Variants in LHX5 observed in about 807,000 individuals in gnomAD.
LHX5 encodes the protein LIM homeobox 5, also known as LIM/homeobox protein Lhx5.
LHX5 carries 5 observed loss-of-function variants against 30.6 expected under a neutral mutation model. The observed-to-expected ratio is 0.16, with a 90% confidence interval of 0.09 to 0.34. The LOEUF (loss-of-function observed/expected upper bound fraction) is 0.34, where lower values mean the gene tolerates loss of function less well. Among genes scored for constraint, LHX5 ranks in the 10% least tolerant of loss-of-function variants. The pLI, the probability that LHX5 is intolerant of heterozygous loss-of-function variation, is 1.00. For synonymous variants in LHX5, 266 were observed against 252.6 expected (o/e 1.05, Z -0.50); for missense variants, 458 against 570.6 (o/e 0.80, Z 2.01).
intron 1 of LHX5, 72 bp from the exon 2 acceptor site, chr12:113,469,417 C>T (rs934130758): frequency 8.5e-6 from 12 of 1,419,684 alleles, no homozygotes; most frequent in Non-Finnish European, 1.1e-5. Context: ...GACCTCTTCC[C>T]ACCCGACCTG....
chr12:113,463,479 G>C lies in LHX5; in HGVS notation c.920C>G (p.Pro307Arg). 6.4e-7 allele frequency: 1 copy of C among 1,567,062 alleles called. No individual in the cohort carries two copies. Among genetic ancestry groups the C allele is most frequent in the Admixed American group, 1.8e-5 (1 of 55,672 alleles). Residue 307 changes from proline (P) to arginine (R), a missense_variant, in exon 5 of 5, where the codon CCG becomes CGG. Transcript: ENST00000261731. The surrounding 1 kb of genome is among the most constrained non-coding windows in gnomAD (Gnocchi z 6.7). ...AHGPPSQAQS[P>R]ADSSFLAASG... ...GGCCGCCAGGAAGCTGGAGTCGGCC[G>C]GGGACTGCGCCTGCGAAGGCGGGCC...
At chr12:113,469,091 C>CTAAGGCT in intron 2 of LHX5, 31 bp downstream of exon 2, 1 of 1,554,528 alleles carries the variant, frequency 6.4e-7, no homozygotes, top group Non-Finnish European at 8.8e-7. Flanking sequence ...GTGCTAAGGC[C>CTAAGGCT]TAAGGCTAGT....
chr12:113,471,675 T>G lies in LHX5; in HGVS notation c.-177A>C. On this transcript the variant is annotated 5_prime_UTR_variant, in exon 1 of 5. Coordinates refer to ENST00000261731, the MANE Select transcript of LHX5 (RefSeq NM_022363.3). ...GGCAATCTCTGGCCTGGCGCTGGGC[T>G]GCCCGGAGTGGGGTGGTGGGGGGCG... 38 of 556,058 alleles carry G rather than the reference T, an allele frequency of 6.8e-5. No individual in the cohort carries two copies. Among genetic ancestry groups the G allele is most frequent in the Middle Eastern group, 5.1e-4 (1 of 1,978 alleles). 34.4% of individuals were successfully genotyped at this position (556,058 alleles called of 1,614,324 possible). A position where few individuals can be genotyped will look rare whatever the true frequency, so the allele number is the denominator to read the frequency against.
Position 113,462,085 on chromosome 12 carries a change from T to A in LHX5, c.*1105A>T, listed in dbSNP as rs1400562738. 1 of 151,334 alleles carries A rather than the reference T, an allele frequency of 6.6e-6. No individual in the cohort carries two copies. Among genetic ancestry groups the A allele is most frequent in the East Asian group, 1.9e-4 (1 of 5,194 alleles). The allele number at this position is 151,334 out of a possible 1,614,324, so 9.4% of individuals were successfully genotyped here. A position where few individuals can be genotyped will look rare whatever the true frequency, so the allele number is the denominator to read the frequency against. ...ATCTTTCTCTTTAAAAAAAGTTGATTTTTTTTGTTTTTGTTTTTTGTTTTT... is the reference window on the plus strand; with the variant it reads ...ATCTTTCTCTTTAAAAAAAGTTGATATTTTTTGTTTTTGTTTTTTGTTTTT... On this transcript the variant is annotated 3_prime_UTR_variant, in exon 5 of 5. Transcript: ENST00000261731.
Position 113,468,379 on chromosome 12 carries a change from C to T in LHX5, c.423G>A (p.Leu141=). 1 of 1,613,914 alleles carries T rather than the reference C, an allele frequency of 6.2e-7. No homozygotes were observed. Among genetic ancestry groups the T allele is most frequent in the Non-Finnish European group, 8.5e-7 (1 of 1,179,858 alleles). ...GCAGTGCGTCCTGGAGGTCCGGGGA[C>T]AAACTGCGGTCCGTACAGGATGACA... ...NSVSSCTDRS[L]SPDLQDALQD... The change falls in exon 3 of 5, where the codon TTG becomes TTA. Residue 141 remains leucine, a synonymous_variant. Coordinates refer to ENST00000261731, the MANE Select transcript of LHX5 (RefSeq NM_022363.3).
chr12:113,463,505 G>C lies in LHX5; in HGVS notation c.894C>G (p.His298Gln), dbSNP rs373410781. ...GGGACTGCGCCTGCGAAGGCGGGCC[G>C]TGCGCGAAGAAGTCGTAGTTGCTTC... Reference protein sequence around the residue: ...APGSNYDFFAHGPPSQAQSPA... With the variant: ...APGSNYDFFAQGPPSQAQSPA... Residue 298 changes from histidine (H) to glutamine (Q), a missense_variant, in exon 5 of 5, where the codon CAC becomes CAG. His to Gln is a conservative substitution (Grantham distance 24). This residue lies in a region of LHX5 where 255 missense variants were observed against 246.8 expected (regional missense o/e 1.03). Coordinates refer to ENST00000261731, the MANE Select transcript of LHX5 (RefSeq NM_022363.3). The surrounding 1 kb of genome is among the most constrained non-coding windows in gnomAD (Gnocchi z 6.7). 2 of 1,564,974 alleles carry C rather than the reference G, an allele frequency of 1.3e-6. No homozygotes were observed. The highest frequency in any genetic ancestry group is 1.7e-6 in the Non-Finnish European group (2 of 1,163,328).
rs1958253200 is a variant in LHX5 at position 113,471,686 on chromosome 12, G to A, written c.-188C>T. 3.6e-6 allele frequency: 2 copies of A among 559,802 alleles called. No homozygotes were observed. Among genetic ancestry groups the A allele is most frequent in the African/African-American group, 4.0e-5 (2 of 50,384 alleles). The allele number at this position is 559,802 out of a possible 1,614,324, so 34.7% of individuals were successfully genotyped here. A position where few individuals can be genotyped will look rare whatever the true frequency, so the allele number is the denominator to read the frequency against. Reference sequence around the variant, plus strand: ...GCCTGGCGCTGGGCTGCCCGGAGTGGGGTGGTGGGGGGCGGGTGGCGTTCA... The same window carrying A: ...GCCTGGCGCTGGGCTGCCCGGAGTGAGGTGGTGGGGGGCGGGTGGCGTTCA... On this transcript the variant is annotated 5_prime_UTR_variant, in exon 1 of 5. Transcript: ENST00000261731.
chr12:113,464,601 G>A lies in LHX5; in HGVS notation c.842-1044C>T, dbSNP rs1958201003. On this transcript the variant is annotated intron_variant, in intron 4 of 4. Coordinates refer to ENST00000261731, the MANE Select transcript of LHX5 (RefSeq NM_022363.3). This position sits in a 1 kb window ranked among gnomAD's most constrained non-coding sequence, Gnocchi z 6.2. Reference sequence around the variant, plus strand: ...ACTTGGGAGAGGGGGAGGAGGACACGAAGATTCTCTGGGTCATGGCCAGAG... The same window carrying A: ...ACTTGGGAGAGGGGGAGGAGGACACAAAGATTCTCTGGGTCATGGCCAGAG... 6.6e-6 allele frequency among the ~76,000 whole-genome samples: 1 copy of A among 152,152 alleles called. No homozygotes were observed. The highest frequency in any genetic ancestry group is 1.5e-5 in the Non-Finnish European group (1 of 68,032).
chr12:113,467,019 G>A lies in LHX5; in HGVS notation c.841+237C>T, dbSNP rs1006539043. Among the ~76,000 whole-genome samples, 4 of 151,884 alleles carry A rather than the reference G, an allele frequency of 2.6e-5. No homozygotes were observed. Among genetic ancestry groups the A allele is most frequent in the Non-Finnish European group, 5.9e-5 (4 of 68,006 alleles). ...AGTGTGAGTGCACCTTGTGCCCTGC[G>A]TGGGTGAATGTGTCACTGTATCTCG... On this transcript the variant is annotated intron_variant, in intron 4 of 4. Coordinates refer to ENST00000261731, the MANE Select transcript of LHX5 (RefSeq NM_022363.3). The surrounding 1 kb of genome is among the most constrained non-coding windows in gnomAD (Gnocchi z 6.3).
At position 113,463,417 on chromosome 12, in the gene LHX5, G is replaced by T; in HGVS notation, c.982C>A (p.Pro328Thr). Residue 328 changes from proline to threonine, a missense_variant, in exon 5 of 5, where the codon CCG becomes ACG. Pro to Thr is a conservative substitution (Grantham distance 38). This residue lies in a region of LHX5 where 255 missense variants were observed against 246.8 expected (regional missense o/e 1.03). Transcript: ENST00000261731. This position sits in a 1 kb window ranked among gnomAD's most constrained non-coding sequence, Gnocchi z 6.7. ...PGSTPLGALE[P>T]PLAGPHAADN... ...GCGGCGTGCGGGCCGGCGAGCGGCG[G>T]TTCCAGCGCTCCCAGCGGCGTCGAG... The T allele has an allele frequency of 6.4e-7, 1 of 1,554,466 alleles. No homozygotes were observed. Among genetic ancestry groups the T allele is most frequent in the Non-Finnish European group, 8.7e-7 (1 of 1,151,864 alleles).
rs997440066 is a variant in LHX5 at position 113,467,515 on chromosome 12, T to G, written c.676-94A>C. The stretch of plus-strand genomic sequence containing the variant: ...TGACTGGGCTGCCCCTGCTGGGTCC[T>G]TGCGCCTCTTCCGCACCAGGACTCC... On this transcript the variant is annotated intron_variant, in intron 3 of 4. Transcript: ENST00000261731. The surrounding 1 kb of genome is among the most constrained non-coding windows in gnomAD (Gnocchi z 6.3). 8.5e-7 allele frequency: 1 copy of G among 1,177,760 alleles called. No individual in the cohort carries two copies. The highest frequency in any genetic ancestry group is 1.1e-6 in the Non-Finnish European group (1 of 885,420). 73.0% of individuals were successfully genotyped at this position (1,177,760 alleles called of 1,614,324 possible). A position where few individuals can be genotyped will look rare whatever the true frequency, so the allele number is the denominator to read the frequency against.
rs371960670 is a variant in LHX5, at chr12:113,465,466, C to G, written c.841+1790G>C. Among the ~76,000 whole-genome samples, 2 of 152,218 alleles carry G rather than the reference C, an allele frequency of 1.3e-5. No individual in the cohort carries two copies. The highest frequency in any genetic ancestry group is 1.9e-4 in the East Asian group (1 of 5,192). On this transcript the variant is annotated intron_variant, in intron 4 of 4. Coordinates refer to ENST00000261731, the MANE Select transcript of LHX5 (RefSeq NM_022363.3). The surrounding 1 kb of genome is among the most constrained non-coding windows in gnomAD (Gnocchi z 6.7). ...TGTCCGCGCTCCCACGGGGAGCCGC[C>G]GGCCCCGCCGCCCGGCCCCTTTCTC...
chr12:113,471,481 G>C lies in LHX5; in HGVS notation c.18C>G (p.Ala6=), dbSNP rs749408884. The change falls in exon 1 of 5, where the codon GCC becomes GCG. Residue 6 remains alanine (A), a synonymous_variant. Transcript: ENST00000261731. MMVHC[A]GCERPILDRF... is the part of the protein sequence containing the mutation. ...GGTCGAGGATGGGCCGCTCGCAACC[G>C]GCGCAGTGCACCATCATAGCCCCGC... 2.5e-6 allele frequency: 4 copies of C among 1,606,240 alleles called. No homozygotes were observed. The South Asian group carries it at 3.3e-5, about 13-fold the overall frequency.
intron 1 of LHX5, among the ~76,000 whole-genome samples, chr12:113,470,200 C>A (rs1573956): frequency 6.6e-6 from 1 of 152,006 alleles, no homozygotes; most frequent in Non-Finnish European, 1.5e-5. Flanking sequence ...GGGTGAGGCT[C>A]AGGTTGGGGG....
In LHX5 at chr12:113,466,268, A is replaced by C. The variant is rs1256469916; in HGVS notation, c.841+988T>G. 6.6e-6 allele frequency among the ~76,000 whole-genome samples: 1 copy of C among 152,174 alleles called. No homozygotes were observed. Among genetic ancestry groups the C allele is most frequent in the African/African-American group, 2.4e-5 (1 of 41,432 alleles). ...ATAGAAGAGGAGAGGTGCTTTCTTG[A>C]GCCCTCAGCCCTGGGAAGAACAGGA... On this transcript the variant is annotated intron_variant, in intron 4 of 4. Coordinates refer to ENST00000261731, the MANE Select transcript of LHX5 (RefSeq NM_022363.3). This position sits in a 1 kb window ranked among gnomAD's most constrained non-coding sequence, Gnocchi z 6.5.
chr12:113,468,046 G>C (rs1958225451), intron 3 of LHX5, 81 bp downstream of exon 3: 1 of 1,439,880 alleles, frequency 6.9e-7, no homozygotes, highest in African/African-American at 1.4e-5. Flanking sequence ...CGTAGCCAAG[G>C]AAGCTTGGCG....
In LHX5 at chr12:113,462,092, GTTT is replaced by G. The variant is rs1958176689; in HGVS notation, c.*1095_*1097del. On this transcript the variant is annotated 3_prime_UTR_variant, in exon 5 of 5. Coordinates refer to ENST00000261731, the MANE Select transcript of LHX5 (RefSeq NM_022363.3). Reference sequence around the variant, plus strand: ...TCTTTAAAAAAAGTTGATTTTTTTTGTTTTTGTTTTTTGTTTTTTTTAGGTAAA... The same window carrying G: ...TCTTTAAAAAAAGTTGATTTTTTTTGTTGTTTTTTGTTTTTTTTAGGTAAA... The G allele has an allele frequency of 6.6e-6, 1 of 150,700 alleles. No homozygotes were observed. The highest frequency in any genetic ancestry group is 1.5e-5 in the Non-Finnish European group (1 of 67,640). The allele number at this position is 150,700 out of a possible 1,614,324, so 9.3% of individuals were successfully genotyped here.
intron 1 of LHX5, among the ~76,000 whole-genome samples, chr12:113,469,649 C>T (rs541201226): frequency 6.6e-6 from 1 of 152,196 alleles, no homozygotes; most frequent in Non-Finnish European, 1.5e-5. Flanking sequence ...AGATGTCCTC[C>T]CCCAAACCCA....
chr12:113,469,043 G>A, intron 2 of LHX5, 79 bp downstream of exon 2: 7 of 1,087,152 alleles, frequency 6.4e-6, no homozygotes, highest in Non-Finnish European at 1.3e-6. Context: ...GCACACCGGG[G>A]GCCAAGTAGG....
Sources: gnomAD v4.1 joint callset for allele counts (sites outside exome capture counted in the v4.1 genomes callset) on GRCh38, gnomAD v4.1.1 for gene constraint, gnomAD v4.1.1 regional missense constraint, Gnocchi (gnomAD v3.1) non-coding constraint, MANE v1.5 for transcripts, NCBI Gene and HGNC (gene_info 2026-07-23, HGNC 2026-07-21) for gene names.